Variants in LRCH2 observed in about 807,000 individuals in gnomAD.
The protein encoded by LRCH2 is leucine-rich repeat and calponin homology domain-containing protein 2.
Under a neutral mutation model 68.9 loss-of-function variants are expected in LRCH2, and 38 were observed. The observed-to-expected ratio is 0.55, with a 90% CI of 0.43 to 0.72. LRCH2 has a LOEUF of 0.72. Among genes scored for constraint, LRCH2 ranks in the 30% least tolerant of loss-of-function variants. The pLI is 0.00. For missense variants in LRCH2, 528 were observed against 572.9 expected (o/e 0.92, Z 0.80); for synonymous variants, 191 against 208.1 (o/e 0.92, Z 0.71).
intron 14 of LRCH2, among the ~76,000 whole-genome samples, chrX:115,138,233 T>C (rs1480991456): frequency 1.8e-5 from 2 of 110,836 alleles, no homozygotes; most frequent in South Asian, 3.9e-4. Flanking sequence ...TTAAGATGCA[T>C]GTGACAGGTT....
intron 1 of LRCH2, among the ~76,000 whole-genome samples, chrX:115,188,803 C>A (rs1161162797): frequency 8.9e-6 from 1 of 111,775 alleles, no homozygotes; most frequent in East Asian, 2.8e-4. Flanking sequence ...TGCACTCCAG[C>A]CTGAGTGACA....
chrX:115,186,396 C>T (rs781914062), intron 2 of LRCH2, among the ~76,000 whole-genome samples: 2 of 110,470 alleles, frequency 1.8e-5, no homozygotes, highest in Admixed American at 9.7e-5. Flanking sequence ...AATCATCTTT[C>T]ACCAGAATCT....
intron 1 of LRCH2, chrX:115,191,428 T>C (rs1556559310): frequency 1.0e-5 from 12 of 1,154,766 alleles, no homozygotes; most frequent in Non-Finnish European, 1.4e-5. Flanking sequence ...GAGCAACTGC[T>C]ACGGAGGAGG....
intron 6 of LRCH2, among the ~76,000 whole-genome samples, chrX:115,166,943 G>A (rs1304698617): frequency 9.1e-6 from 1 of 109,582 alleles, no homozygotes; most frequent in African/African-American, 3.3e-5. Context: ...CACTTATTAT[G>A]TATGAGGAAC....
rs1364489305 is a variant in LRCH2, at chrX:115,230,944, G to A, written c.349+2749C>T. On this transcript the variant is annotated intron_variant, in intron 1 of 20. Transcript: ENST00000317135. Reference sequence around the variant, plus strand: ...TTTAATTGGTCTAGGGTGGGATCCAGGCAGGGTTGAAAAAACAAACAAAAA... The same window carrying A: ...TTTAATTGGTCTAGGGTGGGATCCAAGCAGGGTTGAAAAAACAAACAAAAA... Among the ~76,000 whole-genome samples, 6 of 110,486 alleles carry A rather than the reference G, an allele frequency of 5.4e-5. No individual in the cohort carries two copies. In the Admixed American group the frequency reaches 5.8e-4, roughly 11 times the overall value.
At chrX:115,161,281 G>A (rs1007435275) in intron 11 of LRCH2, among the ~76,000 whole-genome samples, 1 of 111,064 alleles carries the variant, frequency 9.0e-6, no homozygotes, top group Admixed American at 9.6e-5. Context: ...TTGAACCCAG[G>A]AGGCAGAGGC....
intron 1 of LRCH2, among the ~76,000 whole-genome samples, chrX:115,231,184 G>A (rs192465043): frequency 9.0e-6 from 1 of 111,332 alleles, no homozygotes; most frequent in East Asian, 2.8e-4. Flanking sequence ...ATGCAATAAG[G>A]AATGCTTGTC....
intron 20 of LRCH2, among the ~76,000 whole-genome samples, chrX:115,119,253 T>G (rs1484424701): frequency 1.8e-5 from 2 of 109,963 alleles, no homozygotes; most frequent in Non-Finnish European, 3.8e-5. Context: ...ACCACATGAT[T>G]GTATATCTAG....
At chrX:115,198,158 C>A (rs1019030486) in intron 1 of LRCH2, among the ~76,000 whole-genome samples, 7 of 107,041 alleles carry the variant, frequency 6.5e-5, no homozygotes, top group Non-Finnish European at 1.3e-4. Flanking sequence ...ATTGAGACTG[C>A]ATAAAATGAC....
At chrX:115,233,375 G>T (rs1269607301) in intron 1 of LRCH2, among the ~76,000 whole-genome samples, 1 of 111,938 alleles carries the variant, frequency 8.9e-6, no homozygotes, top group Admixed American at 9.5e-5. Context: ...GGAAGATCCA[G>T]GAGAGTTGAA....
chrX:115,200,256 C>T (rs1361968622), intron 1 of LRCH2, among the ~76,000 whole-genome samples: 1 of 110,745 alleles, frequency 9.0e-6, no homozygotes, highest in Non-Finnish European at 1.9e-5. Context: ...ACAAACCACA[C>T]TCAAAACTAG....
chrX:115,195,313 T>C (rs1381296958), intron 1 of LRCH2, among the ~76,000 whole-genome samples: 1 of 107,760 alleles, frequency 9.3e-6, no homozygotes, highest in African/African-American at 3.4e-5. Flanking sequence ...GTTGTAGGAA[T>C]ATGGTTAGTT....
chrX:115,222,277 GA>G (rs1159746000), intron 1 of LRCH2, among the ~76,000 whole-genome samples: 4 of 111,521 alleles, frequency 3.6e-5, no homozygotes, highest in Non-Finnish European at 7.5e-5. Flanking sequence ...ACCATTTACC[GA>G]AAAAAACAGA....
Position 115,233,919 on chromosome X carries a change from G to T in LRCH2, c.123C>A (p.Gly41=). The change falls in exon 1 of 21, where the codon GGC becomes GGA. Residue 41 remains glycine, a synonymous_variant. Coordinates refer to ENST00000317135, the MANE Select transcript of LRCH2 (RefSeq NM_020871.4). The part of the protein sequence containing the change: ...GGGGAGGGGG[G]GGGTLVVPIP... ...TGGGGACCACCAGGGTCCCGCCGCC[G>T]CCGCCGCCTCCCCCTCCAGCCCCGC... 4 of 1,162,726 alleles carry T rather than the reference G, an allele frequency of 3.4e-6. No homozygotes were observed. Among genetic ancestry groups the T allele is most frequent in the Non-Finnish European group, 3.4e-6 (3 of 871,051 alleles).
At chrX:115,219,699 A>G (rs1405736363) in intron 1 of LRCH2, among the ~76,000 whole-genome samples, 2 of 111,995 alleles carry the variant, frequency 1.8e-5, no homozygotes, top group African/African-American at 6.5e-5. Flanking sequence ...TATAGTCACA[A>G]CTGTGCCTGA....
chrX:115,159,681 GCGGAGC>G (rs1556540845), intron 11 of LRCH2, among the ~76,000 whole-genome samples: 1 of 107,271 alleles, frequency 9.3e-6, no homozygotes, highest in African/African-American at 3.4e-5. Context: ...AACCCAGGAG[GCGGAGC>G]TTGCAGTGAA....
intron 1 of LRCH2, among the ~76,000 whole-genome samples, chrX:115,225,469 C>T (rs2073112656): frequency 9.0e-6 from 1 of 111,368 alleles, no homozygotes; most frequent in Non-Finnish European, 1.9e-5. Context: ...AAAATCGATT[C>T]CATATGAATT....
chrX:115,190,675 G>A (rs55718100), intron 1 of LRCH2: 166,678 of 1,151,264 alleles, frequency 0.14, 9,045 homozygotes, highest in Non-Finnish European at 0.16. Flanking sequence ...CAACAGTTAC[G>A]GCCAGAGCCA....
intron 14 of LRCH2, among the ~76,000 whole-genome samples, chrX:115,133,745 A>G (rs1556531044): frequency 8.9e-6 from 1 of 111,805 alleles, no homozygotes; most frequent in African/African-American, 3.2e-5. Context: ...TCAATGTTGC[A>G]TGTGTTCTGA....
Sources: gnomAD v4.1 joint callset for allele counts (sites outside exome capture counted in the v4.1 genomes callset) on GRCh38, gnomAD v4.1.1 for gene constraint, MANE v1.5 for transcripts, NCBI Gene and HGNC (gene_info 2026-07-23, HGNC 2026-07-21) for gene names.